ATXN1: variants seen among roughly 807,000 people sequenced by gnomAD.
ATXN1 encodes the protein ataxin 1.
In ATXN1, 8 loss-of-function variants were observed where a neutral mutation model predicts 56.4. That is an observed-to-expected ratio of 0.14 (90% confidence interval 0.08 to 0.26). ATXN1 has a LOEUF of 0.26. ATXN1 is among the 10% of genes least tolerant of loss of function. The probability of loss-of-function intolerance (pLI) is 1.00; values close to 1 mark genes in which losing one functional copy is unlikely to be tolerated. For synonymous variants in ATXN1, 514 were observed against 494.6 expected, an observed-to-expected ratio of 1.04 and a Z score of -0.52; for missense variants, 987 against 1,106.5, an observed-to-expected ratio of 0.89 and a Z score of 1.53.
chr6:16,626,464 G>GA, intron 3 of ATXN1, among the ~76,000 whole-genome samples: 1 of 152,038 alleles, frequency 6.6e-6, no homozygotes, highest in Non-Finnish European at 1.5e-5. Flanking sequence ...GCTAATTTTT[G>GA]TTTTTTTAGT....
chr6:16,409,058 TA>T (rs1455768677), intron 6 of ATXN1, among the ~76,000 whole-genome samples: 1 of 152,266 alleles, frequency 6.6e-6, no homozygotes, highest in Non-Finnish European at 1.5e-5. Context: ...ATTCTTCACC[TA>T]AACTGGTTAA....
intron 4 of ATXN1, among the ~76,000 whole-genome samples, chr6:16,549,432 T>C (rs900961018): frequency 1.3e-5 from 2 of 152,196 alleles, no homozygotes; most frequent in African/African-American, 4.8e-5. Flanking sequence ...CTTATGGGAC[T>C]ATCATGATAT....
chr6:16,400,004 G>T (rs1271712707), intron 6 of ATXN1, among the ~76,000 whole-genome samples: 1 of 152,084 alleles, frequency 6.6e-6, no homozygotes, highest in Non-Finnish European at 1.5e-5. Flanking sequence ...AGCAGCATCA[G>T]CATCACTAGG....
chr6:16,549,653 T>C (rs1761879608), intron 4 of ATXN1, among the ~76,000 whole-genome samples: 1 of 151,962 alleles, frequency 6.6e-6, no homozygotes, highest in Non-Finnish European at 1.5e-5. Flanking sequence ...ATCCCAGCAC[T>C]TTGGGAGGCA....
chr6:16,634,869 A>C (rs1386797286), intron 3 of ATXN1, among the ~76,000 whole-genome samples: 1 of 152,174 alleles, frequency 6.6e-6, no homozygotes. Flanking sequence ...GCACTCTGAA[A>C]ATGTCTGTAG....
At chr6:16,427,429 TGGCTGG>T (rs1435666345) in intron 6 of ATXN1, among the ~76,000 whole-genome samples, 1 of 152,186 alleles carries the variant, frequency 6.6e-6, no homozygotes, top group African/African-American at 2.4e-5. Context: ...TATAGAGAGT[TGGCTGG>T]TTCTAAGTGG....
At chr6:16,509,536 TCTGA>T (rs1443805590) in intron 5 of ATXN1, among the ~76,000 whole-genome samples, 1 of 152,224 alleles carries the variant, frequency 6.6e-6, no homozygotes, top group Non-Finnish European at 1.5e-5. Flanking sequence ...GGACTGAAAC[TCTGA>T]CAGCCCCTGG....
At chr6:16,740,636 CTGTTTA>C (rs1010029384) in intron 2 of ATXN1, among the ~76,000 whole-genome samples, 5 of 152,218 alleles carry the variant, frequency 3.3e-5, no homozygotes, top group African/African-American at 1.2e-4. Context: ...AAATCATTCT[CTGTTTA>C]TCCATCAAGT....
intron 6 of ATXN1, chr6:16,432,856 C>T (rs1275847109): frequency 2.0e-5 from 3 of 152,112 alleles, no homozygotes; most frequent in African/African-American, 7.2e-5. Context: ...GACATTCAAA[C>T]ATTCCAAGTT....
chr6:16,517,382 T>C (rs1178481656), intron 5 of ATXN1, among the ~76,000 whole-genome samples: 1 of 152,238 alleles, frequency 6.6e-6, no homozygotes, highest in East Asian at 1.9e-4. Context: ...CCAGTTTCCT[T>C]TCCCACAAAA....
intron 7 of ATXN1, among the ~76,000 whole-genome samples, chr6:16,308,811 G>T (rs1340059424): frequency 2.0e-5 from 3 of 152,086 alleles, no homozygotes; most frequent in African/African-American, 7.2e-5. Context: ...TCTTAAAAAA[G>T]GATGCACCAG....
chr6:16,621,409 A>G (rs1443922643), intron 3 of ATXN1, among the ~76,000 whole-genome samples: 2 of 152,240 alleles, frequency 1.3e-5, no homozygotes, highest in African/African-American at 4.8e-5. Context: ...ACAACTATTT[A>G]TCAAAAAGGT....
chr6:16,738,451 A>G (rs142514164), intron 2 of ATXN1: 2 of 152,350 alleles, frequency 1.3e-5, no homozygotes, highest in East Asian at 1.9e-4. Flanking sequence ...GAGGAGAAGA[A>G]AAAAGGTAAT....
chr6:16,631,203 T>C (rs546727644), intron 3 of ATXN1, among the ~76,000 whole-genome samples: 1 of 152,348 alleles, frequency 6.6e-6, no homozygotes, highest in African/African-American at 2.4e-5. Flanking sequence ...CGATAAATTA[T>C]GGAGGCTGGA....
intron 6 of ATXN1, among the ~76,000 whole-genome samples, chr6:16,367,693 C>T (rs1761952131): frequency 6.6e-6 from 1 of 151,850 alleles, no homozygotes; most frequent in Non-Finnish European, 1.5e-5. Flanking sequence ...ATGACCTGAT[C>T]TTCTTCTTGC....
intron 6 of ATXN1, among the ~76,000 whole-genome samples, chr6:16,378,122 T>C (rs1232583220): frequency 2.0e-5 from 3 of 152,196 alleles, no homozygotes; most frequent in African/African-American, 7.2e-5. Flanking sequence ...CTGCTTCCCT[T>C]TGTCTATGCC....
At chr6:16,428,437 C>G (rs1243106609) in intron 6 of ATXN1, among the ~76,000 whole-genome samples, 3 of 151,022 alleles carry the variant, frequency 2.0e-5, no homozygotes, top group Non-Finnish European at 4.4e-5. Context: ...CTAGTAATAG[C>G]AAATACTGGG....
intron 6 of ATXN1, chr6:16,485,108 A>C (rs1271464305): frequency 6.6e-6 from 1 of 152,160 alleles, no homozygotes; most frequent in East Asian, 1.9e-4. Context: ...TCATTTCCTA[A>C]AATTTGAAGA....
intron 4 of ATXN1, among the ~76,000 whole-genome samples, chr6:16,563,789 G>A (rs529269770): frequency 3.3e-5 from 5 of 150,204 alleles, no homozygotes; most frequent in Admixed American, 1.3e-4. Flanking sequence ...ACTTAACACC[G>A]GTCCATGACG....
Sources: allele counts gnomAD v4.1 joint callset (sites outside exome capture counted in the v4.1 genomes callset), GRCh38; gene constraint gnomAD v4.1.1; transcripts MANE v1.5; gene names NCBI Gene and HGNC (gene_info 2026-07-23, HGNC 2026-07-21).